Variants in SFMBT1 observed in about 807,000 individuals in gnomAD.
SFMBT1 encodes the protein scm-like with four MBT domains protein 1.
In SFMBT1, 32 loss-of-function variants were observed where a neutral mutation model predicts 108.7. The ratio of observed to expected loss-of-function variants is 0.29; its 90% CI spans 0.22 to 0.40. The LOEUF (loss-of-function observed/expected upper bound fraction) is 0.40. Ranked by LOEUF, SFMBT1 falls within the 10% of genes least tolerant of loss-of-function variation. The pLI, the probability that SFMBT1 is intolerant of heterozygous loss-of-function variation, is 1.00. For missense variants in SFMBT1, 816 were observed against 1,059.6 expected (o/e 0.77, Z 3.19); for synonymous variants, 348 against 369.5 (o/e 0.94, Z 0.67).
intron 1 of SFMBT1, among the ~76,000 whole-genome samples, chr3:52,994,779 C>A (rs1290497453): frequency 6.7e-6 from 1 of 150,130 alleles, no homozygotes; most frequent in Non-Finnish European, 1.5e-5. Flanking sequence ...GGATTACAGG[C>A]ATGAGCCACT....
chr3:53,022,919 T>C (rs1430843590), intron 1 of SFMBT1, among the ~76,000 whole-genome samples: 3 of 152,220 alleles, frequency 2.0e-5, no homozygotes, highest in African/African-American at 7.2e-5. Flanking sequence ...GTAAGCTTTA[T>C]GAATGCATTT....
At position 52,907,752 on chromosome 3, in the gene SFMBT1, G is replaced by GA. The variant is rs774253976; in HGVS notation, c.1907-20dup. The GA allele has an allele frequency of 1.9e-6, 3 of 1,571,628 alleles. No homozygotes were observed. Among genetic ancestry groups the GA allele is most frequent in the Non-Finnish European group, 2.6e-6 (3 of 1,163,538 alleles). On this transcript the variant is annotated intron_variant, in intron 17 of 20. Transcript: ENST00000394752. ...TAGTGTGCTAAATGTGGATGACAAAGAAAAATGAAGTAGCTTCATTATTTT... is the reference window on the plus strand; with the variant it reads ...TAGTGTGCTAAATGTGGATGACAAAGAAAAAATGAAGTAGCTTCATTATTTT...
intron 1 of SFMBT1, among the ~76,000 whole-genome samples, chr3:53,005,949 G>C (rs970031629): frequency 3.3e-5 from 5 of 152,158 alleles, no homozygotes; most frequent in Admixed American, 1.3e-4. Context: ...CTCTGGGTGG[G>C]GCAGGCAGGA....
chr3:52,971,546 C>T (rs1243511238), intron 1 of SFMBT1, among the ~76,000 whole-genome samples: 2 of 152,118 alleles, frequency 1.3e-5, no homozygotes, highest in South Asian at 2.1e-4. Flanking sequence ...TTATTCATCC[C>T]CATATACTTA....
chr3:52,932,928 T>C lies in SFMBT1; in HGVS notation c.454-620A>G, dbSNP rs115536921. On this transcript the variant is annotated intron_variant, in intron 5 of 20. Transcript: ENST00000394752. ...TCTGTCTTTATAAAAAATTTAAAAA[T>C]TTAAAAAAAGCAAATATCAAAATAC... 1.0e-2 allele frequency among the ~76,000 whole-genome samples: 1,516 copies of C among 151,792 alleles called. 23 individuals carry two copies. Among genetic ancestry groups the C allele is most frequent in the African/African-American group, 0.034 (1,418 of 41,380 alleles).
chr3:52,910,031 C>A (rs572569600), intron 17 of SFMBT1, among the ~76,000 whole-genome samples: 1 of 152,248 alleles, frequency 6.6e-6, no homozygotes, highest in South Asian at 2.1e-4. Context: ...GCTCTCTGCA[C>A]AGCTGGCTCC....
chr3:52,929,891 A>T (rs866756622), intron 8 of SFMBT1, among the ~76,000 whole-genome samples: 2 of 152,358 alleles, frequency 1.3e-5, no homozygotes, highest in African/African-American at 2.4e-5. Context: ...AATCTGGAAT[A>T]CATAGCTGGA....
rs1699109698 is a variant in SFMBT1 at position 53,015,925 on chromosome 3, CCT to C, written c.-131+29889_-131+29890del. Among the ~76,000 whole-genome samples the C allele has an allele frequency of 2.0e-5, 3 of 152,012 alleles. No individual in the cohort carries two copies. In the South Asian group the frequency reaches 6.2e-4, roughly 31 times the overall value. On this transcript the variant is annotated intron_variant, in intron 1 of 20. Coordinates refer to ENST00000394752, the MANE Select transcript of SFMBT1 (RefSeq NM_016329.4). Reference sequence around the variant, plus strand: ...TTGTATACTTTAAGTAGGTGATTTTCCTCTTATTTTTTAAATAAGAAAAAGCT... The same window carrying C: ...TTGTATACTTTAAGTAGGTGATTTTCCTTATTTTTTAAATAAGAAAAAGCT...
chr3:52,984,726 C>CTCTGTGTGTGTGTGTGTGTGTG (rs1704842947), intron 1 of SFMBT1, among the ~76,000 whole-genome samples: 1 of 140,198 alleles, frequency 7.1e-6, no homozygotes, highest in African/African-American at 2.7e-5. Flanking sequence ...ATACTAAATA[C>CTCTGTGTGTGTGTGTGTGTGTG]TGTGTGTGTG....
At chr3:52,919,723 A>T (rs1000794331) in intron 12 of SFMBT1, among the ~76,000 whole-genome samples, 1 of 152,204 alleles carries the variant, frequency 6.6e-6, no homozygotes. Context: ...CTCTGACAGA[A>T]GCCAGTTGTC....
At chr3:52,969,371 C>A in intron 1 of SFMBT1, 113 bp from the exon 2 acceptor site, 1 of 1,095,978 alleles carries the variant, frequency 9.1e-7, no homozygotes, top group Non-Finnish European at 1.2e-6. Flanking sequence ...AACATACTGG[C>A]AGAATAGATA....
intron 1 of SFMBT1, among the ~76,000 whole-genome samples, chr3:53,036,992 C>G (rs1358996203): frequency 3.9e-5 from 6 of 152,160 alleles, no homozygotes; most frequent in Non-Finnish European, 7.3e-5. Context: ...AGATAAAAGA[C>G]GAGGCATAGG....
chr3:53,033,782 A>G (rs1051436133), intron 1 of SFMBT1, among the ~76,000 whole-genome samples: 2 of 151,898 alleles, frequency 1.3e-5, no homozygotes, highest in East Asian at 3.9e-4. Flanking sequence ...AAAAAAAAAA[A>G]AAATCACCCT....
chr3:52,917,868 A>C (rs562157988), intron 13 of SFMBT1, among the ~76,000 whole-genome samples: 17 of 152,238 alleles, frequency 1.1e-4, no homozygotes, highest in Admixed American at 9.8e-4. Flanking sequence ...GGTGCCAAAA[A>C]CGTTGGGGAC....
intron 1 of SFMBT1, among the ~76,000 whole-genome samples, chr3:53,004,190 CTTCCTTCCTTCT>C (rs1446960879): frequency 2.0e-5 from 3 of 148,810 alleles, no homozygotes; most frequent in African/African-American, 7.3e-5. Flanking sequence ...CATTTCCTTC[CTTCCTTCCTTCT>C]TCCCTTCCTT....
intron 5 of SFMBT1, 100 bp downstream of exon 5, chr3:52,934,713 C>T (rs1268716628): frequency 2.3e-5 from 22 of 937,368 alleles, no homozygotes; most frequent in Non-Finnish European, 3.5e-5. Flanking sequence ...CTAATAATAA[C>T]GTTTATTTTC....
chr3:52,930,690 C>G (rs1702829916), intron 7 of SFMBT1, among the ~76,000 whole-genome samples: 1 of 152,154 alleles, frequency 6.6e-6, no homozygotes, highest in Admixed American at 6.5e-5. Flanking sequence ...TTTATTTTAT[C>G]AGTTAAGACT....
chr3:53,000,494 A>C (rs970458709), intron 1 of SFMBT1, among the ~76,000 whole-genome samples: 4 of 149,968 alleles, frequency 2.7e-5, no homozygotes, highest in Admixed American at 6.8e-5. Context: ...TTAAAGTATT[A>C]AGAGTACTGA....
intron 1 of SFMBT1, among the ~76,000 whole-genome samples, chr3:53,007,450 A>C (rs1453718680): frequency 1.3e-5 from 2 of 152,220 alleles, no homozygotes; most frequent in Non-Finnish European, 2.9e-5. Flanking sequence ...TGCTGAAACA[A>C]ATAACCACAC....
Sources: gnomAD v4.1 joint callset for allele counts (sites outside exome capture counted in the v4.1 genomes callset) on GRCh38, gnomAD v4.1.1 for gene constraint, MANE v1.5 for transcripts, NCBI Gene and HGNC (gene_info 2026-07-23, HGNC 2026-07-21) for gene names.